PLEKHH2: variants seen among roughly 807,000 people sequenced by gnomAD.
PLEKHH2 encodes the protein pleckstrin homology, MyTH4 and FERM domain containing H2, also known as pleckstrin homology domain-containing family H member 2.
Under a neutral mutation model 187.9 loss-of-function variants are expected in PLEKHH2, and 129 were observed. That is an observed-to-expected ratio of 0.69 (90% CI 0.59 to 0.79). The LOEUF (loss-of-function observed/expected upper bound fraction) is 0.79, where lower values mean the gene tolerates loss of function less well. Among genes scored for constraint, PLEKHH2 ranks in the 30% least tolerant of loss-of-function variants. The probability of loss-of-function intolerance (pLI) is 0.00; values close to 1 mark genes in which losing one functional copy is unlikely to be tolerated. For synonymous variants in PLEKHH2, 686 were observed against 605.6 expected, an observed-to-expected ratio of 1.13 and a Z score of -1.95; for missense variants, 2,076 against 1,751.2, an observed-to-expected ratio of 1.19 and a Z score of -3.31.
At chr2:43,751,382 G>C (rs540386300) in intron 24 of PLEKHH2, among the ~76,000 whole-genome samples, 2 of 152,264 alleles carry the variant, frequency 1.3e-5, no homozygotes, top group African/African-American at 4.8e-5. Context: ...TGAACAGAGA[G>C]AGATTGCAGG....
At chr2:43,726,907 A>G (rs1558571995) in intron 17 of PLEKHH2, among the ~76,000 whole-genome samples, 1 of 152,336 alleles carries the variant, frequency 6.6e-6, no homozygotes. Context: ...AATACATATG[A>G]TTATGTATTT....
chr2:43,675,481 T>TG (rs769324683), intron 2 of PLEKHH2: 1 of 1,614,002 alleles, frequency 6.2e-7, no homozygotes, highest in Non-Finnish European at 8.5e-7. Context: ...TTCCATCTTT[T>TG]GGGGGGTCAG....
intron 17 of PLEKHH2, 135 bp downstream of exon 17, chr2:43,726,586 A>T (rs867847446): frequency 4.1e-6 from 3 of 738,626 alleles, no homozygotes; most frequent in Non-Finnish European, 6.5e-6. Flanking sequence ...GTTTTCAGAG[A>T]TTCTTTACCT....
In PLEKHH2 at chr2:43,707,512, A is replaced by G; in HGVS notation, c.1933A>G (p.Ser645Gly). ...RTSESDSRSRSGPGSPRAMKR... is the reference protein window; with the variant it reads ...RTSESDSRSRGGPGSPRAMKR... ...GTCAGAGTCAGACTCACGCAGTAGG[A>G]GTGGGCCAGGCAGCCCCAGAGCCAT... is the stretch of plus-strand genomic sequence containing the variant. Residue 645 changes from serine (S) to glycine (G), a missense_variant, in exon 11 of 30, where the codon AGT becomes GGT. By Grantham distance (56) the Ser-to-Gly change is moderately conservative (BLOSUM62 0). Coordinates refer to ENST00000282406, the MANE Select transcript of PLEKHH2 (RefSeq NM_172069.4). 1 of 1,614,170 alleles carries G rather than the reference A, an allele frequency of 6.2e-7. No individual in the cohort carries two copies. Among genetic ancestry groups the G allele is most frequent in the Non-Finnish European group, 8.5e-7 (1 of 1,180,016 alleles).
chr2:43,649,870 C>T (rs1666378877), intron 2 of PLEKHH2, among the ~76,000 whole-genome samples: 1 of 152,124 alleles, frequency 6.6e-6, no homozygotes, highest in African/African-American at 2.4e-5. Context: ...AAGGATTCCA[C>T]CTAAATTAAC....
intron 1 of PLEKHH2, among the ~76,000 whole-genome samples, chr2:43,640,564 T>C (rs1390152931): frequency 1.3e-5 from 2 of 152,126 alleles, no homozygotes; most frequent in Admixed American, 6.6e-5. Flanking sequence ...CCACCAACAA[T>C]GTATGAGGGT....
At chr2:43,690,911 G>T (rs575717800) in intron 3 of PLEKHH2, among the ~76,000 whole-genome samples, 5 of 152,316 alleles carry the variant, frequency 3.3e-5, no homozygotes, top group Admixed American at 2.0e-4. Context: ...GAACTAAAAG[G>T]TGGTGATAGG....
chr2:43,682,454 C>A (rs952542075), intron 3 of PLEKHH2, among the ~76,000 whole-genome samples: 13 of 151,936 alleles, frequency 8.6e-5, no homozygotes, highest in Non-Finnish European at 1.8e-4. Flanking sequence ...CTATAGGCAC[C>A]CACCACCACG....
intron 28 of PLEKHH2, among the ~76,000 whole-genome samples, chr2:43,763,534 C>A (rs1672509510): frequency 6.6e-6 from 1 of 151,846 alleles, no homozygotes; most frequent in African/African-American, 2.4e-5. Context: ...GTCCTCCTGC[C>A]TCAGCCTCCC....
At chr2:43,666,436 GC>G (rs1413835179) in intron 2 of PLEKHH2, among the ~76,000 whole-genome samples, 4 of 147,256 alleles carry the variant, frequency 2.7e-5, no homozygotes, top group South Asian at 2.1e-4. Context: ...CCCGTCTTCT[GC>G]GTCGCTCACG....
intron 2 of PLEKHH2, among the ~76,000 whole-genome samples, chr2:43,670,923 C>G (rs1424556815): frequency 6.6e-6 from 1 of 151,124 alleles, no homozygotes; most frequent in Non-Finnish European, 1.5e-5. Flanking sequence ...GGTTTTGATG[C>G]TTTTGTAAAT....
In PLEKHH2 at chr2:43,738,529, T is replaced by A. The variant is rs549195568; in HGVS notation, c.3123+9T>A. On this transcript the variant is annotated intron_variant, in intron 20 of 29. Coordinates refer to ENST00000282406, the MANE Select transcript of PLEKHH2 (RefSeq NM_172069.4). The stretch of plus-strand genomic sequence containing the variant: ...AACCAGGACCATTGCAGGTAGATAT[T>A]AATATTGATACATATACATGCAATT... The A allele has an allele frequency of 5.0e-6, 8 of 1,593,450 alleles. No individual in the cohort carries two copies. In the South Asian group the frequency reaches 9.0e-5, roughly 18 times the overall value.
intron 2 of PLEKHH2, among the ~76,000 whole-genome samples, chr2:43,646,311 A>T (rs1242955290): frequency 6.6e-6 from 1 of 152,118 alleles, no homozygotes; most frequent in Admixed American, 6.5e-5. Context: ...ACTATGATTT[A>T]TCCGGTATTT....
At chr2:43,744,225 G>C (rs1671684934) in intron 23 of PLEKHH2, 10 of 861,134 alleles carry the variant, frequency 1.2e-5, no homozygotes, top group Non-Finnish European at 1.6e-5. Context: ...GTTAGTAATG[G>C]AAATGATACT....
chr2:43,722,351 G>C (rs1024412095), intron 16 of PLEKHH2, among the ~76,000 whole-genome samples: 2 of 152,124 alleles, frequency 1.3e-5, no homozygotes, highest in Non-Finnish European at 2.9e-5. Context: ...AGTTGTATGG[G>C]AGTGGTAAAA....
At chr2:43,709,237 AC>A (rs1178691962) in intron 11 of PLEKHH2, among the ~76,000 whole-genome samples, 1 of 152,202 alleles carries the variant, frequency 6.6e-6, no homozygotes, top group East Asian at 1.9e-4. Context: ...AAATCTGTAA[AC>A]TGCTTAGTAG....
Position 43,699,670 on chromosome 2 carries a change from G to C in PLEKHH2, c.712G>C (p.Val238Leu). ...AGAAATGGAAATTCCAGAAAAGTCT[G>C]TTGATAACCAAGTTCTAGAAAACAA... ...MEEMEIPEKS[V>L]DNQVLENNRG... is the part of the protein sequence containing the mutation. Residue 238 changes from valine to leucine, a missense_variant, in exon 8 of 30, where the codon GTT becomes CTT. Transcript: ENST00000282406. 6.2e-7 allele frequency: 1 copy of C among 1,613,202 alleles called. No individual in the cohort carries two copies. Among genetic ancestry groups the C allele is most frequent in the South Asian group, 1.1e-5 (1 of 90,994 alleles).
intron 3 of PLEKHH2, among the ~76,000 whole-genome samples, chr2:43,685,535 C>G (rs1354912635): frequency 1.3e-5 from 2 of 152,084 alleles, no homozygotes; most frequent in Non-Finnish European, 2.9e-5. Flanking sequence ...TCAAGCAATC[C>G]TCCCACCTCA....
intron 11 of PLEKHH2, among the ~76,000 whole-genome samples, chr2:43,708,388 T>C (rs1669776705): frequency 1.3e-5 from 2 of 152,220 alleles, no homozygotes; most frequent in African/African-American, 4.8e-5. Context: ...ATGCCAGGCA[T>C]GCTTGCATTT....
Sources: allele counts gnomAD v4.1 joint callset (sites outside exome capture counted in the v4.1 genomes callset), GRCh38; gene constraint gnomAD v4.1.1; transcripts MANE v1.5; gene names NCBI Gene and HGNC (gene_info 2026-07-23, HGNC 2026-07-21).